PRKCE: variants seen among roughly 807,000 people sequenced by gnomAD.
PRKCE encodes the protein protein kinase C epsilon type.
A neutral mutation model predicts 85.4 loss-of-function variants in PRKCE; 16 were observed. The ratio of observed to expected loss-of-function variants is 0.19; its 90% confidence interval spans 0.13 to 0.28. PRKCE has a LOEUF of 0.28. Ranked by LOEUF, PRKCE falls within the 10% of genes least tolerant of loss-of-function variation. The probability of loss-of-function intolerance (pLI) is 1.00; values close to 1 mark genes in which losing one functional copy is unlikely to be tolerated. For synonymous variants in PRKCE, 388 were observed against 371.5 expected (o/e 1.04, Z -0.51); for missense variants, 573 against 975.2 (o/e 0.59, Z 5.49).
intron 1 of PRKCE, among the ~76,000 whole-genome samples, chr2:45,671,587 C>A (rs1453749094): frequency 6.6e-6 from 1 of 152,112 alleles, no homozygotes; most frequent in Non-Finnish European, 1.5e-5. Context: ...CCTCTGCCTC[C>A]CCCCACCAGC....
rs1367526576 is a variant in PRKCE at position 45,677,466 on chromosome 2, C to A, written c.348+25018C>A. Among the ~76,000 whole-genome samples, 3 of 151,798 alleles carry A rather than the reference C, an allele frequency of 2.0e-5. No individual in the cohort carries two copies. The East Asian group carries it at 5.8e-4, about 29-fold the overall frequency. ...CCGCTTCCCGGGTTCCCGCCATTCT[C>A]CTGCCTCAGCCTCCCGAGTAGCTGG... On this transcript the variant is annotated intron_variant, in intron 1 of 14. Transcript: ENST00000306156.
At position 45,980,388 on chromosome 2, in the gene PRKCE, G is replaced by T; in HGVS notation, c.693+7G>T. 1 of 1,599,560 alleles carries T rather than the reference G, an allele frequency of 6.3e-7. No homozygotes were observed. The highest frequency in any genetic ancestry group is 8.5e-7 in the Non-Finnish European group (1 of 1,179,830). ...GCAGGAGACCCCCGACCAGGTAAGT[G>T]TTGGTGACACGGAAATTCTGGGCTT... is the stretch of plus-strand genomic sequence containing the variant. On this transcript the variant is annotated splice_region_variant and intron_variant, in intron 5 of 14. Coordinates refer to ENST00000306156, the MANE Select transcript of PRKCE (RefSeq NM_005400.3).
rs1708200062 is a variant in PRKCE, at chr2:46,041,274, A to G, written c.1437+30757A>G. Among the ~76,000 whole-genome samples the G allele has an allele frequency of 2.0e-5, 3 of 152,238 alleles. No homozygotes were observed. Among genetic ancestry groups the G allele is most frequent in the Admixed American group, 6.5e-5 (1 of 15,288 alleles). On this transcript the variant is annotated intron_variant, in intron 10 of 14. Transcript: ENST00000306156. This position sits in a 1 kb window ranked among gnomAD's most constrained non-coding sequence, Gnocchi z 5.5. ...TCCAAAATCAGAATTTTAAAGCAAT[A>G]TTAAAACAAAACAAAATCCCTTTTC...
intron 1 of PRKCE, among the ~76,000 whole-genome samples, chr2:45,819,737 C>T (rs898515251): frequency 5.3e-5 from 8 of 152,280 alleles, no homozygotes; most frequent in African/African-American, 1.9e-4. Context: ...TGAGAGCCAT[C>T]GACTAGAGCT....
In PRKCE at chr2:45,882,054, C is replaced by G. The variant is rs536513341; in HGVS notation, c.412+38991C>G. Among the ~76,000 whole-genome samples the G allele has an allele frequency of 9.9e-5, 15 of 152,262 alleles. No individual in the cohort carries two copies. The South Asian group carries it at 2.9e-3, about 29-fold the overall frequency. On this transcript the variant is annotated intron_variant, in intron 2 of 14. Transcript: ENST00000306156. The stretch of plus-strand genomic sequence containing the variant: ...AGGTGTTTCTGTAGAAAGGCATAAA[C>G]TAAGCATGAGTTAATATTTTAAAAG...
intron 9 of PRKCE, among the ~76,000 whole-genome samples, 156 bp from the exon 10 acceptor site, chr2:46,010,187 CA>C (rs1385680195): frequency 6.6e-6 from 1 of 152,184 alleles, no homozygotes; most frequent in Non-Finnish European, 1.5e-5. Context: ...CTCAGCCTCC[CA>C]AGTATCTTGG....
chr2:45,705,425 T>A (rs1466980435), intron 1 of PRKCE, among the ~76,000 whole-genome samples: 1 of 152,206 alleles, frequency 6.6e-6, no homozygotes, highest in Non-Finnish European at 1.5e-5. Context: ...TAGGAGTGAC[T>A]GCCAGTTGGG....
chr2:46,101,883 A>T (rs1045985080), intron 11 of PRKCE, among the ~76,000 whole-genome samples: 1,686 of 141,390 alleles, frequency 0.012, 114 homozygotes, highest in Admixed American at 0.11. Context: ...AAAAAAAAAA[A>T]CCCAAAACCC....
intron 10 of PRKCE, among the ~76,000 whole-genome samples, chr2:46,083,466 G>T (rs951784315): frequency 4.6e-5 from 7 of 152,176 alleles, no homozygotes; most frequent in African/African-American, 1.7e-4. Flanking sequence ...GAGATTTGGA[G>T]TCTCCTAAAC....
rs550682303 is a variant in PRKCE at position 45,971,438 on chromosome 2, A to G, written c.413-4991A>G. Among the ~76,000 whole-genome samples, 4 of 152,292 alleles carry G rather than the reference A, an allele frequency of 2.6e-5. No homozygotes were observed. In the East Asian group the frequency reaches 7.7e-4, roughly 29 times the overall value. ...GAAATTGTAACAAAGCATTTTATTT[A>G]CGTCAAGGTAGAAAGCTATGCTAAG... On this transcript the variant is annotated intron_variant, in intron 2 of 14. Coordinates refer to ENST00000306156, the MANE Select transcript of PRKCE (RefSeq NM_005400.3).
rs554506481 is a variant in PRKCE, at chr2:45,779,802, ATTATT to A, written c.349-63193_349-63189del. ...ATTTTAATAGGGTTATGTTTTAACTATTATTTTATAATTTCCTTGTCATCAAAAAT... is the reference window on the plus strand; with the variant it reads ...ATTTTAATAGGGTTATGTTTTAACTATTATAATTTCCTTGTCATCAAAAAT... On this transcript the variant is annotated intron_variant, in intron 1 of 14. Transcript: ENST00000306156. Among the ~76,000 whole-genome samples, 543 of 150,014 alleles carry A rather than the reference ATTATT, an allele frequency of 3.6e-3. 3 individuals carry two copies. The highest frequency in any genetic ancestry group is 0.012 in the African/African-American group (495 of 41,412).
At chr2:45,963,821 T>C (rs1701548799) in intron 2 of PRKCE, among the ~76,000 whole-genome samples, 2 of 147,236 alleles carry the variant, frequency 1.4e-5, no homozygotes, top group African/African-American at 4.9e-5. Flanking sequence ...ATTCTGACTT[T>C]AAAATTAGCA....
chr2:45,768,971 T>A (rs1685115539), intron 1 of PRKCE, among the ~76,000 whole-genome samples: 1 of 152,254 alleles, frequency 6.6e-6, no homozygotes, highest in Non-Finnish European at 1.5e-5. Context: ...GTTCTGCTAC[T>A]GACATGTTCA....
At chr2:45,890,750 A>G (rs146476526) in intron 2 of PRKCE, among the ~76,000 whole-genome samples, 2 of 152,320 alleles carry the variant, frequency 1.3e-5, no homozygotes, top group Non-Finnish European at 2.9e-5. Context: ...ATTTTTGCCT[A>G]GAATGAATAA....
intron 11 of PRKCE, among the ~76,000 whole-genome samples, chr2:46,086,705 T>A (rs987072098): frequency 3.9e-5 from 6 of 152,324 alleles, no homozygotes; most frequent in Non-Finnish European, 7.3e-5. Context: ...TCTCTTTACG[T>A]GTTTCTTCTG....
chr2:45,979,879 C>G (rs994369740), intron 4 of PRKCE, among the ~76,000 whole-genome samples: 1 of 152,190 alleles, frequency 6.6e-6, no homozygotes. Context: ...TCTGCACCGC[C>G]TGCTGCAGTT....
chr2:46,095,644 C>T (rs1670611553), intron 11 of PRKCE, among the ~76,000 whole-genome samples: 1 of 152,148 alleles, frequency 6.6e-6, no homozygotes, highest in Non-Finnish European at 1.5e-5. Context: ...CTTGACCTTC[C>T]CCATTGCTGG....
chr2:45,716,054 C>A (rs925904331), intron 1 of PRKCE, among the ~76,000 whole-genome samples: 1 of 152,184 alleles, frequency 6.6e-6, no homozygotes, highest in Non-Finnish European at 1.5e-5. Context: ...CTTTTGAAAC[C>A]TACAAGCCCC....
At chr2:45,794,506 G>A (rs543919171) in intron 1 of PRKCE, among the ~76,000 whole-genome samples, 1 of 152,182 alleles carries the variant, frequency 6.6e-6, no homozygotes, top group South Asian at 2.1e-4. Context: ...TCATTCCTGC[G>A]GTATTCTAGC....
Sources: allele counts gnomAD v4.1 joint callset (sites outside exome capture counted in the v4.1 genomes callset), GRCh38; gene constraint gnomAD v4.1.1; non-coding constraint Gnocchi (gnomAD v3.1); transcripts MANE v1.5; gene names NCBI Gene and HGNC (gene_info 2026-07-23, HGNC 2026-07-21).